IRAK2: variants seen among roughly 807,000 people sequenced by gnomAD.
IRAK2 encodes interleukin 1 receptor associated kinase 2, also known as interleukin-1 receptor-associated kinase-like 2.
IRAK2 carries 57 observed loss-of-function variants against 72.0 expected under a neutral mutation model. The observed-to-expected ratio is 0.79, with a 90% CI of 0.64 to 0.99. IRAK2 has a LOEUF of 0.99. Ranked by LOEUF, IRAK2 falls within the 50% of genes least tolerant of loss-of-function variation. The pLI, the probability that IRAK2 is intolerant of heterozygous loss-of-function variation, is 0.00. For missense variants in IRAK2, 790 were observed against 794.4 expected, an observed-to-expected ratio of 0.99 and a Z score of 0.07; for synonymous variants, 293 against 312.7, an observed-to-expected ratio of 0.94 and a Z score of 0.67.
chr3:10,168,490 T>C (rs1231607992), intron 1 of IRAK2, among the ~76,000 whole-genome samples: 1 of 152,140 alleles, frequency 6.6e-6, no homozygotes, highest in African/African-American at 2.4e-5. Flanking sequence ...GGATTACAGG[T>C]GTGAGCACCA....
chr3:10,222,681 C>T lies in IRAK2; in HGVS notation c.1059C>T (p.His353=), dbSNP rs200455699. 5 of 1,614,182 alleles carry T rather than the reference C, an allele frequency of 3.1e-6. No individual in the cohort carries two copies. Among genetic ancestry groups the T allele is most frequent in the Non-Finnish European group, 4.2e-6 (5 of 1,180,034 alleles). Residue 353 remains histidine (H), a synonymous_variant, in exon 9 of 13, where the codon CAC becomes CAT. Coordinates refer to ENST00000256458, the MANE Select transcript of IRAK2 (RefSeq NM_001570.4). The stretch of plus-strand genomic sequence containing the variant: ...AAAATCTCACCCCCAAACTTGCTCA[C>T]CCAATGGCTCATCTGTGTCCTGTCA... ...LDQNLTPKLA[H]PMAHLCPVNK...
At chr3:10,215,368 T>C (rs912782199) in intron 6 of IRAK2, among the ~76,000 whole-genome samples, 2 of 125,688 alleles carry the variant, frequency 1.6e-5, no homozygotes, top group Admixed American at 2.0e-4. Context: ...CACTCCAGCC[T>C]GGGCAATAGA....
intron 12 of IRAK2, among the ~76,000 whole-genome samples, chr3:10,240,951 C>T (rs938562914): frequency 6.6e-6 from 1 of 151,846 alleles, no homozygotes; most frequent in African/African-American, 2.4e-5. Flanking sequence ...CTCTTTTACT[C>T]CTCCTGCCAT....
chr3:10,179,516 C>G (rs1230856772), intron 2 of IRAK2, among the ~76,000 whole-genome samples: 11 of 150,646 alleles, frequency 7.3e-5, no homozygotes, highest in Admixed American at 6.0e-4. Context: ...TCATTGCAGC[C>G]TCTGCCTCCT....
intron 11 of IRAK2, among the ~76,000 whole-genome samples, chr3:10,235,422 C>G (rs1433527623): frequency 5.9e-5 from 9 of 152,032 alleles, no homozygotes; most frequent in African/African-American, 1.9e-4. Context: ...CTCAGCCTCC[C>G]GAGTATCTTG....
intron 4 of IRAK2, among the ~76,000 whole-genome samples, chr3:10,211,516 C>T (rs906488015): frequency 2.0e-5 from 3 of 152,014 alleles, no homozygotes; most frequent in South Asian, 2.1e-4. Flanking sequence ...TACTTGGGGG[C>T]GCTGAGATGA....
intron 11 of IRAK2, among the ~76,000 whole-genome samples, chr3:10,238,301 G>A (rs147073058): frequency 9.2e-5 from 14 of 152,174 alleles, no homozygotes; most frequent in African/African-American, 3.4e-4. Context: ...CTCTCTCTTC[G>A]TTGCTTGCCT....
At chr3:10,192,536 A>G (rs186960992) in intron 2 of IRAK2, among the ~76,000 whole-genome samples, 16 of 152,318 alleles carry the variant, frequency 1.1e-4, no homozygotes, top group Admixed American at 5.2e-4. Flanking sequence ...CGCTTTCTTC[A>G]GATATAAGAC....
chr3:10,176,798 A>T (rs1257607703), intron 1 of IRAK2, among the ~76,000 whole-genome samples: 1 of 143,322 alleles, frequency 7.0e-6, no homozygotes, highest in Non-Finnish European at 1.5e-5. Flanking sequence ...TTTTTTGTAG[A>T]GACAGGGTCT....
At chr3:10,219,327 G>GT (rs59383165) in intron 7 of IRAK2, among the ~76,000 whole-genome samples, 64,676 of 149,916 alleles carry the variant, frequency 0.43, 14,423 homozygotes, top group African/African-American at 0.54. Context: ...TTTTGTTTTT[G>GT]TTTTTTTTTG....
chr3:10,226,352 C>T lies in IRAK2; in HGVS notation c.1210-19C>T, dbSNP rs745779002. ...CACGAGCGTCTGAACCATGCTAACT[C>T]ACGTTCTGTTCTCTCCAGGTGTTGG... On this transcript the variant is annotated intron_variant, in intron 9 of 12. Coordinates refer to ENST00000256458, the MANE Select transcript of IRAK2 (RefSeq NM_001570.4). 6.2e-7 allele frequency: 1 copy of T among 1,609,754 alleles called. No homozygotes were observed. Among genetic ancestry groups the T allele is most frequent in the Non-Finnish European group, 8.5e-7 (1 of 1,176,620 alleles).
chr3:10,238,619 T>C, intron 11 of IRAK2, 129 bp from the exon 12 acceptor site: 4 of 902,638 alleles, frequency 4.4e-6, no homozygotes, highest in African/African-American at 1.7e-5. Context: ...TGTGGTTTTT[T>C]CAGACAAAAC....
intron 10 of IRAK2, among the ~76,000 whole-genome samples, chr3:10,234,093 C>T (rs1697910078): frequency 2.6e-5 from 4 of 152,142 alleles, no homozygotes. Context: ...AACTCCTGAC[C>T]TCAAGTGATC....
chr3:10,217,861 A>C (rs72624418), intron 7 of IRAK2, among the ~76,000 whole-genome samples: 2,910 of 152,286 alleles, frequency 0.019, 71 homozygotes, highest in East Asian at 0.078. Context: ...CACTCACTGT[A>C]TGCAGGTTGC....
chr3:10,169,370 G>A (rs887201260), intron 1 of IRAK2, among the ~76,000 whole-genome samples: 2 of 152,124 alleles, frequency 1.3e-5, no homozygotes, highest in African/African-American at 4.8e-5. Context: ...CAGGAGACCA[G>A]GGCATATTTC....
At chr3:10,211,800 G>A (rs937657534) in intron 4 of IRAK2, among the ~76,000 whole-genome samples, 3 of 152,030 alleles carry the variant, frequency 2.0e-5, no homozygotes, top group Non-Finnish European at 4.4e-5. Context: ...AATTTAGGCC[G>A]GGCGCGGTGG....
chr3:10,177,536 A>G (rs1260994852), intron 1 of IRAK2, among the ~76,000 whole-genome samples: 1 of 152,180 alleles, frequency 6.6e-6, no homozygotes, highest in Non-Finnish European at 1.5e-5. Flanking sequence ...GCTAGTACCC[A>G]CTGAGGCTCC....
At chr3:10,200,570 T>C (rs1697343010) in intron 3 of IRAK2, 55 bp downstream of exon 3, 2 of 1,464,494 alleles carry the variant, frequency 1.4e-6, no homozygotes, top group African/African-American at 1.4e-5. Context: ...GAAATGAAGA[T>C]ATATCTATAA....
intron 2 of IRAK2, among the ~76,000 whole-genome samples, chr3:10,198,949 G>A (rs1223508635): frequency 6.6e-6 from 1 of 152,144 alleles, no homozygotes; most frequent in Non-Finnish European, 1.5e-5. Flanking sequence ...GAGAATGAGG[G>A]ACTTGAATGC....
Sources: gnomAD v4.1 joint callset for allele counts (sites outside exome capture counted in the v4.1 genomes callset) on GRCh38, gnomAD v4.1.1 for gene constraint, MANE v1.5 for transcripts, NCBI Gene and HGNC (gene_info 2026-07-23, HGNC 2026-07-21) for gene names.